UBE2D3: variants seen among roughly 807,000 people sequenced by gnomAD.
The protein encoded by UBE2D3 is ubiquitin-conjugating enzyme E2 D3.
UBE2D3 carries 2 observed loss-of-function variants against 22.8 expected under a neutral mutation model. The ratio of observed to expected loss-of-function variants is 0.09; its 90% CI spans 0.04 to 0.28. UBE2D3 has a LOEUF of 0.28. Among genes scored for constraint, UBE2D3 ranks in the 10% least tolerant of loss-of-function variants. UBE2D3 has a pLI of 1.00. For synonymous variants in UBE2D3, 56 were observed against 60.4 expected, an observed-to-expected ratio of 0.93 and a Z score of 0.34; for missense variants, 27 against 182.5, an observed-to-expected ratio of 0.15 and a Z score of 4.91.
intron 1 of UBE2D3, among the ~76,000 whole-genome samples, chr4:102,837,873 G>A (rs1290035530): frequency 1.3e-5 from 2 of 152,208 alleles, no homozygotes; most frequent in Admixed American, 6.5e-5. Flanking sequence ...AGAATGGTGT[G>A]AACCCGGGAG....
In UBE2D3 at chr4:102,839,438, A is replaced by AT. The variant is rs766771082; in HGVS notation, c.-128-12803dup. Among the ~76,000 whole-genome samples, 15 of 151,744 alleles carry AT rather than the reference A, an allele frequency of 9.9e-5. No homozygotes were observed. In the East Asian group the frequency reaches 1.7e-3, roughly 18 times the overall value. ...AGCCGCTTGCCGCCACACCCAGCTA[A>AT]TTTTTTTTATCTTTTGTAGAAACAG... is the stretch of plus-strand genomic sequence containing the variant. On this transcript the variant is annotated intron_variant, in intron 1 of 7. Coordinates refer to the UBE2D3 transcript ENST00000338145.
intron 1 of UBE2D3, among the ~76,000 whole-genome samples, chr4:102,850,944 A>AG (rs373843355): frequency 4.4e-4 from 65 of 146,302 alleles, no homozygotes; most frequent in African/African-American, 1.5e-3. Flanking sequence ...GGCGGGTGAG[A>AG]GGGGGGTGAG....
At chr4:102,854,447 T>C (rs1732536147) in intron 1 of UBE2D3, among the ~76,000 whole-genome samples, 1 of 152,200 alleles carries the variant, frequency 6.6e-6, no homozygotes, top group South Asian at 2.1e-4. Context: ...CTATTTCTCT[T>C]CGTGGTTCTA....
At chr4:102,802,766 AT>A (rs1399901939) in intron 4 of UBE2D3, 128 bp from the exon 5 acceptor site, 2 of 584,890 alleles carry the variant, frequency 3.4e-6, no homozygotes, top group East Asian at 6.3e-5. Context: ...TAAATAATCT[AT>A]TCCATGAAAA....
upstream of UBE2D3, among the ~76,000 whole-genome samples, chr4:102,830,053 GCTTT>G (rs536563493): frequency 1.3e-3 from 201 of 152,342 alleles, no homozygotes; most frequent in Admixed American, 2.9e-3. Context: ...GGTTGATTGG[GCTTT>G]CTGTTTACAA....
chr4:102,849,653 T>C (rs2110365884), intron 1 of UBE2D3, among the ~76,000 whole-genome samples: 1 of 152,250 alleles, frequency 6.6e-6, no homozygotes, highest in African/African-American at 2.4e-5. Flanking sequence ...CAAAAACATC[T>C]CCAAATGTTA....
At chr4:102,814,605 C>T (rs1728539183) in intron 2 of UBE2D3, among the ~76,000 whole-genome samples, 1 of 151,786 alleles carries the variant, frequency 6.6e-6, no homozygotes. Flanking sequence ...ACCAGGCCTG[C>T]AGTCTTACTT....
At chr4:102,825,553 T>G in intron 2 of UBE2D3, 1 of 1,191,544 alleles carries the variant, frequency 8.4e-7, no homozygotes, top group Non-Finnish European at 1.1e-6. Context: ...GGGATAGAAG[T>G]TAGAGCAAGA....
At chr4:102,808,985 T>C (rs1727517545) in intron 4 of UBE2D3, 1 of 158,428 alleles carries the variant, frequency 6.3e-6, no homozygotes, top group African/African-American at 2.5e-5. Flanking sequence ...GATACACATG[T>C]AACTTAGAAA....
intron 7 of UBE2D3, among the ~76,000 whole-genome samples, chr4:102,799,150 A>G (rs1725721323): frequency 6.6e-6 from 1 of 151,996 alleles, no homozygotes; most frequent in Non-Finnish European, 1.5e-5. Context: ...TCTTCCCCAA[A>G]AGTTGAGAAT....
At chr4:102,799,184 A>G (rs1207568231) in intron 7 of UBE2D3, among the ~76,000 whole-genome samples, 1 of 151,882 alleles carries the variant, frequency 6.6e-6, no homozygotes, top group Non-Finnish European at 1.5e-5. Flanking sequence ...TTAACACGCT[A>G]GGAAAAAAAA....
chr4:102,827,754 G>C, upstream of UBE2D3: 2 of 986,006 alleles, frequency 2.0e-6, no homozygotes, highest in Non-Finnish European at 2.4e-6. Flanking sequence ...AAACAGATCG[G>C]AGATTGGACC....
intron 1 of UBE2D3, among the ~76,000 whole-genome samples, chr4:102,855,993 G>A (rs1369889657): frequency 6.6e-6 from 1 of 152,152 alleles, no homozygotes; most frequent in East Asian, 1.9e-4. Flanking sequence ...GGGTTGCGGT[G>A]AGGCTGGTAA....
chr4:102,827,191 C>G, intron 1 of UBE2D3: 5 of 986,752 alleles, frequency 5.1e-6, no homozygotes, highest in Non-Finnish European at 6.0e-6. Context: ...CCCGCCCAGC[C>G]ACCTCCACCA....
chr4:102,868,636 AC>A (rs1172916983), intron 1 of UBE2D3: 1 of 1,604,150 alleles, frequency 6.2e-7, no homozygotes, highest in Non-Finnish European at 8.5e-7. Flanking sequence ...CGAGTATGCA[AC>A]CCTAGGGCCA....
intron 5 of UBE2D3, 46 bp from the exon 6 acceptor site, chr4:102,801,605 T>C: frequency 7.0e-7 from 1 of 1,437,232 alleles, no homozygotes; most frequent in Non-Finnish European, 9.6e-7. Context: ...AAAACAAACA[T>C]CTTTTAAAGC....
chr4:102,799,190 A>AC (rs143887739), intron 7 of UBE2D3, among the ~76,000 whole-genome samples: 264 of 152,078 alleles, frequency 1.7e-3, no homozygotes, highest in African/African-American at 6.1e-3. Flanking sequence ...CGCTAGGAAA[A>AC]AAAAAACAAC....
intron 2 of UBE2D3, among the ~76,000 whole-genome samples, chr4:102,815,436 C>T (rs1728656091): frequency 6.6e-6 from 1 of 152,102 alleles, no homozygotes; most frequent in Non-Finnish European, 1.5e-5. Flanking sequence ...TGGAATACTT[C>T]ATTATAAATA....
At chr4:102,821,342 G>A (rs1729578529) in intron 2 of UBE2D3, among the ~76,000 whole-genome samples, 1 of 151,940 alleles carries the variant, frequency 6.6e-6, no homozygotes, top group African/African-American at 2.4e-5. Context: ...ATTCTTGAAA[G>A]GTAAATTACA....
Sources: allele counts gnomAD v4.1 joint callset (sites outside exome capture counted in the v4.1 genomes callset), GRCh38; gene constraint gnomAD v4.1.1; transcripts MANE v1.5; gene names NCBI Gene and HGNC (gene_info 2026-07-23, HGNC 2026-07-21).